Variants in SPATA7 observed in about 807,000 individuals in gnomAD.
SPATA7 encodes spermatogenesis-associated protein 7.
A neutral mutation model predicts 51.8 loss-of-function variants in SPATA7; 43 were observed. The observed-to-expected ratio is 0.83, with a 90% CI of 0.65 to 1.07. The LOEUF (loss-of-function observed/expected upper bound fraction) is 1.07, where lower values mean the gene tolerates loss of function less well. Among genes scored for constraint, SPATA7 ranks in the 50% least tolerant of loss-of-function variants. SPATA7 has a pLI of 0.00. For missense variants in SPATA7, 683 were observed against 701.3 expected (o/e 0.97, Z 0.30); for synonymous variants, 230 against 252.8 (o/e 0.91, Z 0.86).
At chr14:88,411,594 A>G (rs1369058929) in intron 4 of SPATA7, among the ~76,000 whole-genome samples, 1 of 152,110 alleles carries the variant, frequency 6.6e-6, no homozygotes, top group African/African-American at 2.4e-5. Context: ...CTCACAGGAT[A>G]GTCCCTCATG....
rs577066098 is a variant in SPATA7, at chr14:88,425,354, A to G, written c.373-878A>G. On this transcript the variant is annotated intron_variant, in intron 5 of 11. Coordinates refer to ENST00000393545, the MANE Select transcript of SPATA7 (RefSeq NM_018418.5). ...CATCTTCCCCTTGTTATTCCTCCCA[A>G]TGAGGTAATAAGACAGATATAATTG... Among the ~76,000 whole-genome samples the G allele has an allele frequency of 2.6e-4, 39 of 152,182 alleles. No individual in the cohort carries two copies. The South Asian group carries it at 6.0e-3, about 23-fold the overall frequency.
intron 3 of SPATA7, among the ~76,000 whole-genome samples, chr14:88,448,992 A>G (rs1457331622): frequency 6.6e-6 from 1 of 151,628 alleles, no homozygotes; most frequent in Admixed American, 6.6e-5. Flanking sequence ...TATCAATTTC[A>G]TTTCTCTTTT....
chr14:88,439,672 G>T (rs1335972219), downstream of SPATA7, among the ~76,000 whole-genome samples: 1 of 152,062 alleles, frequency 6.6e-6, no homozygotes, highest in South Asian at 2.1e-4. Context: ...CCAAAGGGTG[G>T]TACTTACCAC....
At chr14:88,461,615 C>T (rs1368544580) in intron 4 of SPATA7, among the ~76,000 whole-genome samples, 1 of 152,122 alleles carries the variant, frequency 6.6e-6, no homozygotes, top group African/African-American at 2.4e-5. Context: ...GTTACCACTT[C>T]CCTTGGCTAG....
At chr14:88,463,299 T>G (rs2077328897) in intron 4 of SPATA7, among the ~76,000 whole-genome samples, 1 of 152,218 alleles carries the variant, frequency 6.6e-6, no homozygotes, top group Admixed American at 6.5e-5. Flanking sequence ...ACAGTTTCAT[T>G]AGCAAGATCC....
chr14:88,397,049 A>G (rs976670111), intron 4 of SPATA7, among the ~76,000 whole-genome samples: 3 of 152,038 alleles, frequency 2.0e-5, no homozygotes, highest in Non-Finnish European at 4.4e-5. Context: ...ACGCACAGCT[A>G]ATTTTGCCAC....
chr14:88,419,002 G>C (rs2076563116), intron 5 of SPATA7, among the ~76,000 whole-genome samples: 2 of 152,040 alleles, frequency 1.3e-5, no homozygotes, highest in Admixed American at 1.3e-4. Flanking sequence ...TTATATGTTT[G>C]AAAATAAAAT....
chr14:88,392,617 A>G (rs1326169319), intron 2 of SPATA7, among the ~76,000 whole-genome samples: 1 of 152,156 alleles, frequency 6.6e-6, no homozygotes, highest in Non-Finnish European at 1.5e-5. Context: ...AACATAGTAT[A>G]TTTCTGGGAA....
At chr14:88,387,007 A>C (rs2075598754) in intron 1 of SPATA7, among the ~76,000 whole-genome samples, 1 of 152,254 alleles carries the variant, frequency 6.6e-6, no homozygotes, top group Admixed American at 6.5e-5. Flanking sequence ...GCTATGTACT[A>C]GGAACTATTT....
chr14:88,402,601 A>G (rs1002626067), intron 4 of SPATA7, among the ~76,000 whole-genome samples: 1 of 152,184 alleles, frequency 6.6e-6, no homozygotes, highest in African/African-American at 2.4e-5. Context: ...ATGCAGAAGG[A>G]TGAAAATGGA....
At chr14:88,430,119 G>A (rs2076901529) in intron 8 of SPATA7, among the ~76,000 whole-genome samples, 1 of 152,070 alleles carries the variant, frequency 6.6e-6, no homozygotes, top group Non-Finnish European at 1.5e-5. Context: ...GTGTCAGAGA[G>A]TGGATATGAA....
exon 5 of SPATA7, chr14:88,470,109 T>TG: frequency 6.5e-7 from 1 of 1,548,606 alleles, no homozygotes. Context: ...TAGGTATGTA[T>TG]GCATGCATTC....
intron 3 of SPATA7, among the ~76,000 whole-genome samples, chr14:88,445,965 T>C (rs1359984603): frequency 6.6e-6 from 1 of 152,242 alleles, no homozygotes; most frequent in Non-Finnish European, 1.5e-5. Context: ...GTTGTATCTC[T>C]GTCCGGCTTT....
chr14:88,411,721 G>A (rs2076346794), intron 4 of SPATA7, among the ~76,000 whole-genome samples: 1 of 152,074 alleles, frequency 6.6e-6, no homozygotes, highest in African/African-American at 2.4e-5. Context: ...ATTTCATCCT[G>A]TATATGTACC....
chr14:88,461,032 T>C (rs2077314061), intron 4 of SPATA7, among the ~76,000 whole-genome samples: 2 of 152,220 alleles, frequency 1.3e-5, no homozygotes, highest in Non-Finnish European at 2.9e-5. Flanking sequence ...CACATATTGC[T>C]GAACAGCAAA....
intron 4 of SPATA7, among the ~76,000 whole-genome samples, chr14:88,468,446 T>C (rs2077400598): frequency 6.6e-6 from 1 of 152,204 alleles, no homozygotes; most frequent in Non-Finnish European, 1.5e-5. Flanking sequence ...GTTTTAGCTA[T>C]AAATAGAATG....
chr14:88,408,888 C>T (rs1295987438), intron 4 of SPATA7, among the ~76,000 whole-genome samples: 1 of 152,138 alleles, frequency 6.6e-6, no homozygotes, highest in Non-Finnish European at 1.5e-5. Context: ...GTCATTGGTT[C>T]TGTTTATGTG....
chr14:88,416,670 T>C, intron 4 of SPATA7, 41 bp from the exon 5 acceptor site: 1 of 1,606,942 alleles, frequency 6.2e-7, no homozygotes. Flanking sequence ...ACCAATTTTC[T>C]ATTTTGTTCC....
At chr14:88,406,799 C>T (rs1395344079) in intron 4 of SPATA7, 1 of 152,150 alleles carries the variant, frequency 6.6e-6, no homozygotes, top group East Asian at 1.9e-4. Context: ...TGATGTTCCC[C>T]TCCTGGTGTC....
Sources: gnomAD v4.1 joint callset for allele counts (sites outside exome capture counted in the v4.1 genomes callset) on GRCh38, gnomAD v4.1.1 for gene constraint, MANE v1.5 for transcripts, NCBI Gene and HGNC (gene_info 2026-07-23, HGNC 2026-07-21) for gene names.